CTNNA2: variants seen among roughly 807,000 people sequenced by gnomAD.
CTNNA2 encodes catenin alpha-2.
A neutral mutation model predicts 101.0 loss-of-function variants in CTNNA2; 42 were observed. That is an observed-to-expected ratio of 0.42 (90% CI 0.32 to 0.54). The LOEUF (loss-of-function observed/expected upper bound fraction) is 0.54. Ranked by LOEUF, CTNNA2 falls within the 20% of genes least tolerant of loss-of-function variation. The probability of loss-of-function intolerance (pLI) is 0.14; values close to 1 mark genes in which losing one functional copy is unlikely to be tolerated. For synonymous variants in CTNNA2, 450 were observed against 456.4 expected, an observed-to-expected ratio of 0.99 and a Z score of 0.18; for missense variants, 871 against 1,223.1, an observed-to-expected ratio of 0.71 and a Z score of 4.29.
intron 18 of CTNNA2, among the ~76,000 whole-genome samples, chr2:80,630,079 C>A (rs1246368268): frequency 2.0e-5 from 3 of 152,102 alleles, no homozygotes; most frequent in African/African-American, 7.2e-5. Context: ...CTAGACATAA[C>A]CTTTCTACAA....
intron 7 of CTNNA2, among the ~76,000 whole-genome samples, chr2:79,911,047 T>C (rs1210277007): frequency 6.6e-6 from 1 of 152,288 alleles, no homozygotes; most frequent in Middle Eastern, 3.4e-3. Context: ...TGTGGATGCA[T>C]CATGTGGCAC....
chr2:79,450,368 T>C (rs1573171665), intron 4 of CTNNA2, among the ~76,000 whole-genome samples: 2 of 152,032 alleles, frequency 1.3e-5, no homozygotes, highest in African/African-American at 4.8e-5. Flanking sequence ...AACCCTCCCA[T>C]GCTTTATTTA....
intron 7 of CTNNA2, among the ~76,000 whole-genome samples, chr2:80,046,606 G>A (rs372327794): frequency 3.3e-5 from 5 of 152,236 alleles, no homozygotes; most frequent in Admixed American, 2.0e-4. Context: ...GCAGCTACTT[G>A]TTCTAGCAGA....
intron 7 of CTNNA2, among the ~76,000 whole-genome samples, chr2:79,971,350 T>C (rs1690466154): frequency 6.6e-6 from 1 of 152,166 alleles, no homozygotes; most frequent in African/African-American, 2.4e-5. Context: ...TTTCCTTATA[T>C]CGTTTATTAA....
At chr2:80,061,788 G>A (rs1443700070) in intron 7 of CTNNA2, among the ~76,000 whole-genome samples, 1 of 152,136 alleles carries the variant, frequency 6.6e-6, no homozygotes, top group Non-Finnish European at 1.5e-5. Context: ...CTTGGATGTG[G>A]CCTCCACTCT....
chr2:80,216,264 C>G (rs909849818), intron 7 of CTNNA2, among the ~76,000 whole-genome samples: 3 of 152,212 alleles, frequency 2.0e-5, no homozygotes, highest in African/African-American at 4.8e-5. Flanking sequence ...GCTACACCCA[C>G]TGTCCGACAA....
intron 1 of CTNNA2, chr2:79,197,814 G>C (rs548920420): frequency 6.6e-6 from 1 of 152,128 alleles, no homozygotes; most frequent in Admixed American, 6.6e-5. Flanking sequence ...TCGCTTTGTC[G>C]CCAGGTTGGA....
At chr2:79,715,602 A>C (rs1056423398) in intron 2 of CTNNA2, among the ~76,000 whole-genome samples, 1 of 152,200 alleles carries the variant, frequency 6.6e-6, no homozygotes, top group African/African-American at 2.4e-5. Context: ...ACAGCAAATG[A>C]CTTCACAGTG....
At chr2:80,013,655 A>C (rs1199534819) in intron 7 of CTNNA2, among the ~76,000 whole-genome samples, 1 of 152,154 alleles carries the variant, frequency 6.6e-6, no homozygotes, top group Non-Finnish European at 1.5e-5. Flanking sequence ...CCACCCACGT[A>C]ATTTACCCAG....
chr2:79,505,101 C>T (rs2103810557), exon 5 of CTNNA2: 1 of 152,550 alleles, frequency 6.6e-6, no homozygotes, highest in East Asian at 1.9e-4. Context: ...GGTTCTGCAA[C>T]AGTACCCCCT....
At chr2:79,318,041 A>G (rs1265756281) in intron 3 of CTNNA2, among the ~76,000 whole-genome samples, 1 of 152,108 alleles carries the variant, frequency 6.6e-6, no homozygotes, top group Non-Finnish European at 1.5e-5. Context: ...CAAATAAAAG[A>G]TAAATGTTAG....
At chr2:80,069,273 C>T (rs908447270) in intron 7 of CTNNA2, among the ~76,000 whole-genome samples, 13 of 152,224 alleles carry the variant, frequency 8.5e-5, no homozygotes, top group African/African-American at 3.1e-4. Flanking sequence ...CTCAGACTAC[C>T]GATTCAAATG....
intron 1 of CTNNA2, among the ~76,000 whole-genome samples, chr2:79,619,123 T>C (rs1678832314): frequency 2.0e-5 from 3 of 152,228 alleles, no homozygotes; most frequent in Admixed American, 1.3e-4. Context: ...AGAGAATCAC[T>C]TCAGCCTGGG....
intron 7 of CTNNA2, among the ~76,000 whole-genome samples, chr2:80,070,771 G>A (rs1471407923): frequency 6.6e-6 from 1 of 151,476 alleles, no homozygotes; most frequent in African/African-American, 2.4e-5. Flanking sequence ...CAAGGTGTGA[G>A]CAGACTCATA....
chr2:80,315,619 T>C (rs9808084), intron 7 of CTNNA2, among the ~76,000 whole-genome samples: 57,662 of 151,962 alleles, frequency 0.38, 13,201 homozygotes, highest in African/African-American at 0.64. Context: ...GAAGTCCCAG[T>C]GCGCAAACAC....
chr2:80,276,273 G>A (rs1673892693), intron 7 of CTNNA2, among the ~76,000 whole-genome samples: 1 of 152,124 alleles, frequency 6.6e-6, no homozygotes, highest in African/African-American at 2.4e-5. Flanking sequence ...TAAAAGCAAA[G>A]TCCTTCACAA....
At chr2:79,520,737 AT>A (rs1672059091) in intron 1 of CTNNA2, among the ~76,000 whole-genome samples, 1 of 152,154 alleles carries the variant, frequency 6.6e-6, no homozygotes, top group African/African-American at 2.4e-5. Context: ...TGATAACTCT[AT>A]AATTCACCGA....
At chr2:79,890,239 A>C (rs1684205553) in intron 6 of CTNNA2, among the ~76,000 whole-genome samples, 1 of 152,236 alleles carries the variant, frequency 6.6e-6, no homozygotes, top group Non-Finnish European at 1.5e-5. Flanking sequence ...AAGATGACAT[A>C]GACTGTGGTC....
intron 7 of CTNNA2, among the ~76,000 whole-genome samples, chr2:80,070,312 G>A (rs1698246824): frequency 6.6e-6 from 1 of 152,208 alleles, no homozygotes; most frequent in African/African-American, 2.4e-5. Flanking sequence ...TGTTCTATAT[G>A]AGGGGATTGT....
Sources: gnomAD v4.1 joint callset for allele counts (sites outside exome capture counted in the v4.1 genomes callset) on GRCh38, gnomAD v4.1.1 for gene constraint, MANE v1.5 for transcripts, NCBI Gene and HGNC (gene_info 2026-07-23, HGNC 2026-07-21) for gene names.